Variants in DOCK10 observed in about 807,000 individuals in gnomAD.
The protein encoded by DOCK10 is dedicator of cytokinesis 10.
Under a neutral mutation model 280.1 loss-of-function variants are expected in DOCK10, and 145 were observed. The observed-to-expected ratio is 0.52, with a 90% CI of 0.45 to 0.59. The LOEUF (loss-of-function observed/expected upper bound fraction) is 0.59. Among genes scored for constraint, DOCK10 ranks in the 20% least tolerant of loss-of-function variants. The pLI is 0.00. For synonymous variants in DOCK10, 915 were observed against 942.2 expected, an observed-to-expected ratio of 0.97 and a Z score of 0.53; for missense variants, 2,368 against 2,651.7, an observed-to-expected ratio of 0.89 and a Z score of 2.35.
chr2:224,898,878 A>G (rs186641604), intron 3 of DOCK10, among the ~76,000 whole-genome samples: 2 of 152,304 alleles, frequency 1.3e-5, no homozygotes, highest in East Asian at 3.9e-4. Context: ...CCGGGCTGAT[A>G]ATTGAGCCTT....
At chr2:224,855,073 A>ACG (rs1374426704) in intron 15 of DOCK10, 31 bp from the exon 16 acceptor site, 2 of 1,026,228 alleles carry the variant, frequency 1.9e-6, no homozygotes, top group Admixed American at 2.6e-5. Flanking sequence ...GGACACACAC[A>ACG]CACACACACA....
At chr2:224,862,602 T>G in intron 14 of DOCK10, 62 bp downstream of exon 14, 1 of 1,399,014 alleles carries the variant, frequency 7.1e-7, no homozygotes, top group South Asian at 1.2e-5. Flanking sequence ...CGTTCAAAAC[T>G]GAAGCTTCCA....
intron 18 of DOCK10, among the ~76,000 whole-genome samples, chr2:224,851,094 T>TCCACCACAGC (rs1248289965): frequency 6.6e-6 from 1 of 152,160 alleles, no homozygotes; most frequent in African/African-American, 2.4e-5. Flanking sequence ...CACAGCATGC[T>TCCACCACAGC]ACTATTCTGT....
In DOCK10 at chr2:224,786,875, C is replaced by T; in HGVS notation, c.5655+147G>A. The stretch of plus-strand genomic sequence containing the variant: ...CATTCCTATGGATAAACATATAGAC[C>T]ATCACATCCAGAGAAACACTCAAGT... On this transcript the variant is annotated intron_variant, in intron 50 of 55. Coordinates refer to ENST00000258390, the MANE Select transcript of DOCK10 (RefSeq NM_014689.3). The surrounding 1 kb of genome is among the most constrained non-coding windows in gnomAD (Gnocchi z 4.7). 1.5e-6 allele frequency: 1 copy of T among 648,974 alleles called. No homozygotes were observed. Among genetic ancestry groups the T allele is most frequent in the Non-Finnish European group, 2.7e-6 (1 of 364,054 alleles). The allele number at this position is 648,974 out of a possible 1,614,324, so 40.2% of individuals were successfully genotyped here.
intron 1 of DOCK10, chr2:224,983,404 A>G (rs1242534030): frequency 5.6e-6 from 1 of 177,674 alleles, no homozygotes. Context: ...CATGGAAAAT[A>G]GATTTTGCTT....
At chr2:224,774,617 G>A (rs1417235722) in intron 52 of DOCK10, among the ~76,000 whole-genome samples, 1 of 152,214 alleles carries the variant, frequency 6.6e-6, no homozygotes, top group Non-Finnish European at 1.5e-5. Context: ...GGAAAGTTCA[G>A]AGTGCCTTGT....
At chr2:224,954,493 T>C (rs1703934723) in intron 1 of DOCK10, among the ~76,000 whole-genome samples, 1 of 152,232 alleles carries the variant, frequency 6.6e-6, no homozygotes, top group African/African-American at 2.4e-5. Context: ...TCCAACTGTC[T>C]TCGAGAAGTC....
At chr2:224,951,026 T>C (rs1575106195) in intron 1 of DOCK10, among the ~76,000 whole-genome samples, 1 of 152,176 alleles carries the variant, frequency 6.6e-6, no homozygotes, top group Non-Finnish European at 1.5e-5. Context: ...CTAAAAAGAT[T>C]CAGTGTGAGA....
At chr2:224,928,151 C>T (rs1054638356) in intron 2 of DOCK10, among the ~76,000 whole-genome samples, 1 of 152,160 alleles carries the variant, frequency 6.6e-6, no homozygotes, top group Non-Finnish European at 1.5e-5. Flanking sequence ...GTGGGTGAAG[C>T]AGGTAACATC....
rs58093920 is a variant in DOCK10 at position 224,846,042 on chromosome 2, A to G, written c.2236-400T>C. ...CCAGGCCTAAAAATTCTTTAACTGA[A>G]ATCTAGGTCCATGTTTAATAGTGCT... is the stretch of plus-strand genomic sequence containing the variant. On this transcript the variant is annotated intron_variant, in intron 19 of 55. Coordinates refer to ENST00000258390, the MANE Select transcript of DOCK10 (RefSeq NM_014689.3). Among the ~76,000 whole-genome samples the G allele has an allele frequency of 4.7e-3, 722 of 152,302 alleles. 2 individuals are homozygous for G. Among genetic ancestry groups the G allele is most frequent in the African/African-American group, 0.016 (681 of 41,556 alleles).
chr2:224,801,971 G>T lies in DOCK10; in HGVS notation c.4338C>A (p.Gly1446=). 6.2e-7 allele frequency: 1 copy of T among 1,613,058 alleles called. No individual in the cohort carries two copies. Among genetic ancestry groups the T allele is most frequent in the Non-Finnish European group, 8.5e-7 (1 of 1,179,286 alleles). ...GTTTGGGGTTAGAAAGTGCATTTTT[G>T]CCTCGAATTATAGGTAAAGTTTGTG... The part of the protein sequence containing the change: ...HRSQTLPIIR[G]KNALSNPKLL... The change falls in exon 40 of 56, where the codon GGC becomes GGA. Residue 1446 remains glycine (G), a synonymous_variant. Coordinates refer to ENST00000258390, the MANE Select transcript of DOCK10 (RefSeq NM_014689.3).
At chr2:225,033,656 A>G (rs1040238804) in intron 1 of DOCK10, among the ~76,000 whole-genome samples, 1 of 152,190 alleles carries the variant, frequency 6.6e-6, no homozygotes, top group African/African-American at 2.4e-5. Flanking sequence ...GAGTCCAGCA[A>G]ACACAAGCAT....
chr2:224,787,994 C>T (rs1691853217), intron 48 of DOCK10, among the ~76,000 whole-genome samples: 1 of 152,106 alleles, frequency 6.6e-6, no homozygotes, highest in Admixed American at 6.5e-5. Flanking sequence ...CCTATAAGAA[C>T]CTTATTTCAC....
intron 28 of DOCK10, 132 bp from the exon 29 acceptor site, chr2:224,819,661 A>C: frequency 1.8e-6 from 1 of 551,656 alleles, no homozygotes; most frequent in African/African-American, 1.9e-5. Flanking sequence ...GTATTTAAAA[A>C]ATCTTCTAAA....
At chr2:225,002,019 CAA>C (rs573059156) in intron 1 of DOCK10, among the ~76,000 whole-genome samples, 7 of 152,130 alleles carry the variant, frequency 4.6e-5, no homozygotes, top group Non-Finnish European at 8.8e-5. Context: ...AACCCATAGC[CAA>C]GAGAGAGGGA....
intron 1 of DOCK10, among the ~76,000 whole-genome samples, chr2:225,024,727 C>CAAAA (rs60970681): frequency 5.4e-4 from 78 of 145,392 alleles, no homozygotes; most frequent in South Asian, 6.6e-4. Flanking sequence ...ACTAAAAATA[C>CAAAA]AAAAAAAAAA....
At position 224,817,405 on chromosome 2, in the gene DOCK10, G is replaced by A. The variant is rs561433200; in HGVS notation, c.3268-692C>T. Among the ~76,000 whole-genome samples the A allele has an allele frequency of 1.2e-4, 18 of 152,210 alleles. 1 individual carries two copies. In the South Asian group the frequency reaches 3.7e-3, roughly 32 times the overall value. On this transcript the variant is annotated intron_variant, in intron 29 of 55. Transcript: ENST00000258390. ...CTAAGTAACCATGTTTTAAGACTAA[G>A]TTCGATGATCATCATTATATTCACT...
chr2:225,006,124 T>C (rs1171602542), intron 1 of DOCK10, among the ~76,000 whole-genome samples: 1 of 152,218 alleles, frequency 6.6e-6, no homozygotes, highest in African/African-American at 2.4e-5. Flanking sequence ...ATATTTTAAA[T>C]ATTTGACCAA....
At position 224,787,535 on chromosome 2, in the gene DOCK10, G is replaced by A. The variant is rs1425864878; in HGVS notation, c.5419-138C>T. ...TTAAAACCCAGCAGGGGATCGTGGTGTCATCTTGGATTCTTGCCTATCCCG... is the reference window on the plus strand; with the variant it reads ...TTAAAACCCAGCAGGGGATCGTGGTATCATCTTGGATTCTTGCCTATCCCG... On this transcript the variant is annotated intron_variant, in intron 48 of 55. Transcript: ENST00000258390. The A allele has an allele frequency of 1.0e-5, 11 of 1,079,838 alleles. No homozygotes were observed. The East Asian group carries it at 2.4e-4, about 23-fold the overall frequency. The allele number at this position is 1,079,838 out of a possible 1,614,324, so 66.9% of individuals were successfully genotyped here. A position where few individuals can be genotyped will look rare whatever the true frequency, so the allele number is the denominator to read the frequency against.
Sources: allele counts gnomAD v4.1 joint callset (sites outside exome capture counted in the v4.1 genomes callset), GRCh38; gene constraint gnomAD v4.1.1; non-coding constraint Gnocchi (gnomAD v3.1); transcripts MANE v1.5; gene names NCBI Gene and HGNC (gene_info 2026-07-23, HGNC 2026-07-21).